KDM4C: variants seen among roughly 807,000 people sequenced by gnomAD.
KDM4C encodes lysine-specific demethylase 4C.
A neutral mutation model predicts 129.3 loss-of-function variants in KDM4C; 81 were observed. The observed-to-expected ratio is 0.63, with a 90% CI of 0.52 to 0.75. The LOEUF (loss-of-function observed/expected upper bound fraction) is 0.75. KDM4C is among the 30% of genes least tolerant of loss of function. The pLI, the probability that KDM4C is intolerant of heterozygous loss-of-function variation, is 0.00. For missense variants in KDM4C, 1,457 were observed against 1,304.0 expected (o/e 1.12, Z -1.81); for synonymous variants, 573 against 456.1 (o/e 1.26, Z -3.26).
chr9:7,064,827 G>A lies in KDM4C; in HGVS notation c.2424+15627G>A, dbSNP rs1231195092. ...TGTGATGTTCAGTTATTATTATCAG[G>A]GGACAGTGAACAACTGTCTTCTTCT... On this transcript the variant is annotated intron_variant, in intron 17 of 21. Transcript: ENST00000381309. Among the ~76,000 whole-genome samples the A allele has an allele frequency of 3.3e-5, 5 of 152,028 alleles. No individual in the cohort carries two copies. In the East Asian group the frequency reaches 9.6e-4, roughly 29 times the overall value.
intron 17 of KDM4C, among the ~76,000 whole-genome samples, chr9:7,079,871 A>G (rs911312381): frequency 6.6e-5 from 10 of 152,134 alleles, no homozygotes; most frequent in African/African-American, 2.2e-4. Context: ...CCCAAGCTTG[A>G]TCTGCATGAG....
chr9:7,051,343 T>G (rs1830127515), intron 17 of KDM4C, among the ~76,000 whole-genome samples: 1 of 152,158 alleles, frequency 6.6e-6, no homozygotes. Flanking sequence ...CCCTTGTGAG[T>G]CCACTGCAGT....
rs555243071 is a variant in KDM4C at position 7,106,067 on chromosome 9, C to T, written c.2610+2197C>T. ...TTTCTAGGTGGAAGCACTGTTAGCA[C>T]TGTATTTCCCAAGTATATTTCTAGT... On this transcript the variant is annotated intron_variant, in intron 18 of 21. Coordinates refer to ENST00000381309, the MANE Select transcript of KDM4C (RefSeq NM_015061.6). 2.6e-5 allele frequency among the ~76,000 whole-genome samples: 4 copies of T among 152,278 alleles called. No individual in the cohort carries two copies. The South Asian group carries it at 8.3e-4, about 32-fold the overall frequency.
At chr9:7,027,670 C>T (rs1200596319) in intron 15 of KDM4C, among the ~76,000 whole-genome samples, 20 of 152,152 alleles carry the variant, frequency 1.3e-4, no homozygotes, top group Admixed American at 1.3e-3. Context: ...TGTGTCCTGC[C>T]CTTCATGATG....
intron 1 of KDM4C, among the ~76,000 whole-genome samples, chr9:6,761,524 T>C (rs1047617428): frequency 7.9e-5 from 12 of 151,992 alleles, no homozygotes; most frequent in African/African-American, 2.9e-4. Context: ...CTTGCCATGG[T>C]ACCCCGGCTG....
intron 11 of KDM4C, among the ~76,000 whole-genome samples, chr9:6,987,632 T>A (rs1817958418): frequency 6.6e-6 from 1 of 152,222 alleles, no homozygotes; most frequent in Non-Finnish European, 1.5e-5. Context: ...CAAGGGAGGT[T>A]GTATAAGGAC....
intron 1 of KDM4C, among the ~76,000 whole-genome samples, chr9:6,778,015 G>A (rs11787672): frequency 0.057 from 8,524 of 150,608 alleles, 252 homozygotes; most frequent in East Asian, 0.12. Flanking sequence ...TGAACTCTTG[G>A]ACTCAGGGAA....
chr9:6,748,561 C>T, intron 1 of KDM4C: 1 of 460,918 alleles, frequency 2.2e-6, no homozygotes, highest in East Asian at 3.7e-5. Flanking sequence ...AGTTTTAATA[C>T]AAACAATCCC....
At chr9:6,916,472 C>G (rs575017897) in intron 8 of KDM4C, among the ~76,000 whole-genome samples, 7 of 152,026 alleles carry the variant, frequency 4.6e-5, no homozygotes, top group Non-Finnish European at 1.0e-4. Context: ...ACAGGCCTCA[C>G]TGTGTTGCCC....
chr9:6,901,903 G>A (rs890102674), intron 8 of KDM4C, among the ~76,000 whole-genome samples: 2 of 152,152 alleles, frequency 1.3e-5, no homozygotes, highest in African/African-American at 4.8e-5. Context: ...TATGTTCTCA[G>A]CTCTGTGGAA....
intron 5 of KDM4C, among the ~76,000 whole-genome samples, chr9:6,868,768 C>T (rs1273913214): frequency 1.3e-5 from 2 of 151,670 alleles, no homozygotes; most frequent in East Asian, 3.9e-4. Context: ...GCTGACTGTA[C>T]TAGAAAAGTC....
intron 12 of KDM4C, among the ~76,000 whole-genome samples, chr9:7,003,350 T>C (rs1019857620): frequency 2.0e-5 from 3 of 152,126 alleles, no homozygotes; most frequent in African/African-American, 7.2e-5. Context: ...GCTAATGTTC[T>C]GTAAGAAACT....
At chr9:7,132,903 C>G (rs1587805549) in intron 19 of KDM4C, among the ~76,000 whole-genome samples, 1 of 152,164 alleles carries the variant, frequency 6.6e-6, no homozygotes, top group South Asian at 2.1e-4. Flanking sequence ...AATTTGATAG[C>G]AGGAGTCCAT....
At chr9:7,008,815 G>A (rs1241403110) in intron 12 of KDM4C, among the ~76,000 whole-genome samples, 1 of 152,220 alleles carries the variant, frequency 6.6e-6, no homozygotes, top group Non-Finnish European at 1.5e-5. Context: ...AAGGCCGGAG[G>A]ATTCCAGGAG....
chr9:7,063,761 C>T (rs891940216), intron 17 of KDM4C, among the ~76,000 whole-genome samples: 2 of 152,064 alleles, frequency 1.3e-5, no homozygotes, highest in African/African-American at 4.8e-5. Context: ...AGAAACAGTG[C>T]CTAATAATGC....
intron 17 of KDM4C, 86 bp from the exon 18 acceptor site, chr9:7,103,599 C>A: frequency 9.6e-4 from 507 of 530,652 alleles, no homozygotes; most frequent in Non-Finnish European, 1.1e-3. Context: ...TTTTTTTCTT[C>A]TCTAGTAGCT....
chr9:7,035,201 A>G (rs1226681510), intron 15 of KDM4C, among the ~76,000 whole-genome samples: 1 of 150,078 alleles, frequency 6.7e-6, no homozygotes, highest in Non-Finnish European at 1.5e-5. Flanking sequence ...TTTAGTAGAG[A>G]TGAGGTTTTG....
chr9:6,920,239 T>C (rs368102906), intron 8 of KDM4C, among the ~76,000 whole-genome samples: 40 of 152,216 alleles, frequency 2.6e-4, no homozygotes, highest in East Asian at 5.8e-4. Context: ...TCAGGATCAG[T>C]TGTGCCATGA....
chr9:7,060,615 G>A (rs1300901017), intron 17 of KDM4C, among the ~76,000 whole-genome samples: 1 of 151,906 alleles, frequency 6.6e-6, no homozygotes, highest in African/African-American at 2.4e-5. Flanking sequence ...CTGAGTAGCT[G>A]GGACTACAGG....
Sources: gnomAD v4.1 joint callset for allele counts (sites outside exome capture counted in the v4.1 genomes callset) on GRCh38, gnomAD v4.1.1 for gene constraint, MANE v1.5 for transcripts, NCBI Gene and HGNC (gene_info 2026-07-23, HGNC 2026-07-21) for gene names.